Variants in FAM168A observed in about 807,000 individuals in gnomAD.
FAM168A encodes the protein protein FAM168A.
FAM168A carries 3 observed loss-of-function variants against 28.5 expected under a neutral mutation model. The observed-to-expected ratio is 0.11, with a 90% CI of 0.05 to 0.27. The LOEUF is 0.27. Among genes scored for constraint, FAM168A ranks in the 10% least tolerant of loss-of-function variants. FAM168A has a pLI of 1.00. For synonymous variants in FAM168A, 122 were observed against 124.2 expected, an observed-to-expected ratio of 0.98 and a Z score of 0.12; for missense variants, 222 against 311.5, an observed-to-expected ratio of 0.71 and a Z score of 2.16.
chr11:73,570,813 T>C (rs1160292164), intron 1 of FAM168A, among the ~76,000 whole-genome samples: 2 of 151,464 alleles, frequency 1.3e-5, no homozygotes, highest in African/African-American at 2.4e-5. Context: ...ATTATGCAAA[T>C]ATCAGTTGAC....
At chr11:73,468,529 T>C in intron 1 of FAM168A, 37 bp from the exon 2 acceptor site, 4 of 1,471,700 alleles carry the variant, frequency 2.7e-6, no homozygotes, top group African/African-American at 1.4e-5. Flanking sequence ...CTGATATTGA[T>C]TGTTCATTCT....
intron 1 of FAM168A, among the ~76,000 whole-genome samples, chr11:73,515,379 G>A (rs574003110): frequency 1.2e-4 from 19 of 152,004 alleles, no homozygotes; most frequent in African/African-American, 3.6e-4. Context: ...TGTGGTGGCA[G>A]ATGCCTGTAA....
At chr11:73,517,034 G>A (rs185322491) in intron 1 of FAM168A, among the ~76,000 whole-genome samples, 17 of 152,228 alleles carry the variant, frequency 1.1e-4, no homozygotes, top group African/African-American at 3.9e-4. Flanking sequence ...CAGTAGACAA[G>A]AGCATGTAGT....
At position 73,437,593 on chromosome 11, in the gene FAM168A, GA is replaced by G. The variant is rs569343787; in HGVS notation, c.71-6824del. ...TCAGTGAGTCAAAGCACCGACTGGA[GA>G]GCTCTGAAGTTAGAAAATTCTTCAC... On this transcript the variant is annotated intron_variant, in intron 2 of 7. Transcript: ENST00000356467. 8.9e-4 allele frequency among the ~76,000 whole-genome samples: 136 copies of G among 152,098 alleles called. 3 individuals carry two copies. The South Asian group carries it at 0.027, about 31-fold the overall frequency.
chr11:73,520,463 G>A (rs990835566), intron 1 of FAM168A, among the ~76,000 whole-genome samples: 2 of 152,152 alleles, frequency 1.3e-5, no homozygotes, highest in African/African-American at 4.8e-5. Flanking sequence ...CACATAGAAA[G>A]CACATTATGC....
At chr11:73,494,771 G>C (rs1460798221) in intron 1 of FAM168A, among the ~76,000 whole-genome samples, 2 of 152,130 alleles carry the variant, frequency 1.3e-5, no homozygotes, top group Non-Finnish European at 2.9e-5. Flanking sequence ...AGGCCGAGGA[G>C]GGCGGATTAC....
intron 1 of FAM168A, among the ~76,000 whole-genome samples, chr11:73,538,580 C>T (rs1010427315): frequency 3.3e-5 from 5 of 152,234 alleles, no homozygotes; most frequent in African/African-American, 1.2e-4. Flanking sequence ...AGCCTTCCCA[C>T]TCTCACAAAA....
At chr11:73,524,767 T>G (rs181929792) in intron 1 of FAM168A, among the ~76,000 whole-genome samples, 1 of 152,196 alleles carries the variant, frequency 6.6e-6, no homozygotes, top group East Asian at 1.9e-4. Flanking sequence ...CTGCCTAATT[T>G]TTTGTATTTT....
intron 1 of FAM168A, among the ~76,000 whole-genome samples, chr11:73,580,709 C>T (rs1944232365): frequency 6.6e-6 from 1 of 152,204 alleles, no homozygotes; most frequent in Admixed American, 6.5e-5. Flanking sequence ...GTCTCCAAAG[C>T]TGGATTGATG....
intron 1 of FAM168A, among the ~76,000 whole-genome samples, chr11:73,495,245 C>T (rs537110914): frequency 6.6e-6 from 1 of 152,110 alleles, no homozygotes; most frequent in South Asian, 2.1e-4. Context: ...AGGAGAATGG[C>T]GTGAACCCAG....
intron 1 of FAM168A, among the ~76,000 whole-genome samples, chr11:73,489,191 T>G (rs930835426): frequency 6.6e-6 from 1 of 152,190 alleles, no homozygotes; most frequent in Non-Finnish European, 1.5e-5. Context: ...CCAGCTACCA[T>G]TTCATGTCTC....
chr11:73,571,288 G>C (rs1292645779), intron 1 of FAM168A, among the ~76,000 whole-genome samples: 1 of 124,440 alleles, frequency 8.0e-6, no homozygotes, highest in African/African-American at 3.1e-5. Context: ...GTCTCCCTCT[G>C]ATGCCGAGCC....
chr11:73,508,853 T>C (rs906300824), intron 1 of FAM168A, among the ~76,000 whole-genome samples: 1 of 152,142 alleles, frequency 6.6e-6, no homozygotes, highest in South Asian at 2.1e-4. Context: ...CAATGGGAAC[T>C]AGTTTGTGCG....
chr11:73,474,066 T>G (rs921578837), intron 1 of FAM168A, among the ~76,000 whole-genome samples: 1 of 152,138 alleles, frequency 6.6e-6, no homozygotes, highest in Non-Finnish European at 1.5e-5. Context: ...CACCTCGACC[T>G]CCCAAAGTGC....
Position 73,528,700 on chromosome 11 carries a change from C to G in FAM168A, c.-18-60208G>C, listed in dbSNP as rs1031409788. 4.6e-5 allele frequency among the ~76,000 whole-genome samples: 7 copies of G among 152,278 alleles called. No individual in the cohort carries two copies. In the South Asian group the frequency reaches 1.0e-3, roughly 23 times the overall value. On this transcript the variant is annotated intron_variant, in intron 1 of 7. Coordinates refer to ENST00000356467, the MANE Select transcript of FAM168A (RefSeq NM_015159.3). ...CTCTTGGGGTCTGGAACCTGGACCT[C>G]TGTCCTGTAACACTCTGACCCTGCA...
chr11:73,585,157 A>C (rs1944297226), intron 1 of FAM168A, among the ~76,000 whole-genome samples: 1 of 152,236 alleles, frequency 6.6e-6, no homozygotes. Context: ...TCTCTAATAA[A>C]GGTGTTTTAA....
intron 1 of FAM168A, among the ~76,000 whole-genome samples, chr11:73,574,244 T>G (rs952594487): frequency 3.3e-5 from 5 of 152,232 alleles, no homozygotes; most frequent in African/African-American, 1.2e-4. Context: ...CATTATCTCA[T>G]TTGATCTTCA....
rs1340306388 is a variant in FAM168A, at chr11:73,404,178, A to G, written c.*2585T>C. On this transcript the variant is annotated 3_prime_UTR_variant, in exon 8 of 8. Transcript: ENST00000356467. ...TACTGGTGTTGAAAGAACAAAAGTT[A>G]CAAGGTCATTCCTAGGTCTCCTCTT... The G allele has an allele frequency of 6.6e-6, 1 of 152,284 alleles. No homozygotes were observed. Among genetic ancestry groups the G allele is most frequent in the Non-Finnish European group, 1.5e-5 (1 of 68,050 alleles). The allele number at this position is 152,284 out of a possible 1,614,324, so 9.4% of individuals were successfully genotyped here. A position where few individuals can be genotyped will look rare whatever the true frequency, so the allele number is the denominator to read the frequency against.
intron 1 of FAM168A, among the ~76,000 whole-genome samples, chr11:73,549,332 C>T (rs1296071601): frequency 6.6e-6 from 1 of 152,212 alleles, no homozygotes; most frequent in African/African-American, 2.4e-5. Context: ...ACCTCTAGAT[C>T]TGTGCTTCCA....
Sources: allele counts gnomAD v4.1 joint callset (sites outside exome capture counted in the v4.1 genomes callset), GRCh38; gene constraint gnomAD v4.1.1; transcripts MANE v1.5; gene names NCBI Gene and HGNC (gene_info 2026-07-23, HGNC 2026-07-21).